SMIM14: variants seen among roughly 807,000 people sequenced by gnomAD.
SMIM14 encodes small integral membrane protein 14, also known as chromosome 4 open reading frame 34.
SMIM14 carries 5 observed loss-of-function variants against 12.6 expected under a neutral mutation model. The observed-to-expected ratio is 0.40, with a 90% confidence interval of 0.21 to 0.83. SMIM14 has a LOEUF of 0.83. Ranked by LOEUF, SMIM14 falls within the 40% of genes least tolerant of loss-of-function variation. The pLI, the probability that SMIM14 is intolerant of heterozygous loss-of-function variation, is 0.37. For missense variants in SMIM14, 86 were observed against 119.1 expected (o/e 0.72, Z 1.29); for synonymous variants, 30 against 40.1 (o/e 0.75, Z 0.95).
chr4:39,599,083 A>G (rs1387212069), intron 2 of SMIM14, among the ~76,000 whole-genome samples: 1 of 152,174 alleles, frequency 6.6e-6, no homozygotes, highest in African/African-American at 2.4e-5. Flanking sequence ...AACTTGATTG[A>G]GAGATTGGCT....
rs776516228 is a variant in SMIM14, at chr4:39,552,074, G to A, written c.*52C>T. On this transcript the variant is annotated 3_prime_UTR_variant, in exon 5 of 5. Coordinates refer to ENST00000295958, the MANE Select transcript of SMIM14 (RefSeq NM_174921.3). The stretch of plus-strand genomic sequence containing the variant: ...GGTTAAGAGTACTCTGGTCATCTTC[G>A]TTCGTTTGGTCGTGCAAGGTGTTAA... 15 of 1,488,976 alleles carry A rather than the reference G, an allele frequency of 1.0e-5. No homozygotes were observed. The highest frequency in any genetic ancestry group is 7.7e-5 in the South Asian group (6 of 77,542). The allele number at this position is 1,488,976 out of a possible 1,614,324, so 92.2% of individuals were successfully genotyped here.
At position 39,581,518 on chromosome 4, in the gene SMIM14, C is replaced by CTTTTTTTTTTTTTTTTTTT. The variant is rs1432369898; in HGVS notation, c.76-9056_76-9055insAAAAAAAAAAAAAAAAAAA. ...TTTTCGTTTTTTTCCTTTTCTTTTT[C>CTTTTTTTTTTTTTTTTTTT]TTTTTTTTTTTTTTTGAGACAGGGT... On this transcript the variant is annotated intron_variant, in intron 2 of 4. Coordinates refer to ENST00000295958, the MANE Select transcript of SMIM14 (RefSeq NM_174921.3). Among the ~76,000 whole-genome samples, 7 of 132,090 alleles carry CTTTTTTTTTTTTTTTTTTT rather than the reference C, an allele frequency of 5.3e-5. 1 individual carries two copies. Among genetic ancestry groups the CTTTTTTTTTTTTTTTTTTT allele is most frequent in the Non-Finnish European group, 8.0e-5 (5 of 62,624 alleles). The allele number at this position is 132,090 out of a possible 152,430, so 86.7% of individuals were successfully genotyped here.
At chr4:39,605,438 T>G (rs539782720) in intron 1 of SMIM14, among the ~76,000 whole-genome samples, 2 of 151,764 alleles carry the variant, frequency 1.3e-5, no homozygotes, top group African/African-American at 2.4e-5. Flanking sequence ...CCTGTGATGC[T>G]GAAGATGCTA....
At chr4:39,602,280 G>A (rs2110054741) in intron 2 of SMIM14, among the ~76,000 whole-genome samples, 1 of 151,358 alleles carries the variant, frequency 6.6e-6, no homozygotes, top group South Asian at 2.1e-4. Context: ...ATGGATGCAT[G>A]AGAGGTGGAA....
In SMIM14 at chr4:39,604,616, C is replaced by CT. The variant is rs1039650825; in HGVS notation, c.75+454dup. Reference sequence around the variant, plus strand: ...CTCTAATGAAATAATTGCTAGCAAACTTTTTTTTTTTTGAGACAGAGTCTT... The same window carrying CT: ...CTCTAATGAAATAATTGCTAGCAAACTTTTTTTTTTTTTGAGACAGAGTCTT... On this transcript the variant is annotated intron_variant, in intron 2 of 4. Transcript: ENST00000295958. Among the ~76,000 whole-genome samples, 330 of 145,940 alleles carry CT rather than the reference C, an allele frequency of 2.3e-3. 1 individual carries two copies. Among genetic ancestry groups the CT allele is most frequent in the African/African-American group, 5.6e-3 (225 of 40,076 alleles).
At chr4:39,613,632 G>C (rs1345953959) in intron 1 of SMIM14, among the ~76,000 whole-genome samples, 1 of 152,194 alleles carries the variant, frequency 6.6e-6, no homozygotes, top group Non-Finnish European at 1.5e-5. Context: ...AGGCAAGACA[G>C]AACAGTTTTA....
chr4:39,624,828 A>AC (rs1441948537), intron 1 of SMIM14, among the ~76,000 whole-genome samples: 3 of 151,516 alleles, frequency 2.0e-5, no homozygotes, highest in Non-Finnish European at 4.4e-5. Flanking sequence ...AAAAAAAAAA[A>AC]AAAAAACTTC....
chr4:39,624,344 T>C (rs1405728913), intron 1 of SMIM14, among the ~76,000 whole-genome samples: 1 of 152,090 alleles, frequency 6.6e-6, no homozygotes, highest in Non-Finnish European at 1.5e-5. Flanking sequence ...CCAGCTAAGG[T>C]AGTAATTTCA....
chr4:39,583,444 A>T (rs1453198103), intron 2 of SMIM14, among the ~76,000 whole-genome samples: 1 of 152,008 alleles, frequency 6.6e-6, no homozygotes, highest in African/African-American at 2.4e-5. Flanking sequence ...GCTTCAGGTC[A>T]TTCATTCCAA....
At chr4:39,563,258 C>T (rs1359636434) in intron 3 of SMIM14, among the ~76,000 whole-genome samples, 1 of 152,072 alleles carries the variant, frequency 6.6e-6, no homozygotes, top group African/African-American at 2.4e-5. Flanking sequence ...GACTGGGTTT[C>T]ACCATGTTGA....
chr4:39,610,621 G>C (rs955123124), intron 1 of SMIM14, among the ~76,000 whole-genome samples: 1 of 151,050 alleles, frequency 6.6e-6, no homozygotes, highest in African/African-American at 2.4e-5. Flanking sequence ...CTTGAGCCCA[G>C]GAGATTGAGA....
At chr4:39,573,102 T>A (rs1047610780) in intron 2 of SMIM14, among the ~76,000 whole-genome samples, 1 of 140,830 alleles carries the variant, frequency 7.1e-6, no homozygotes. Flanking sequence ...TATTATTATT[T>A]TATTATTATT....
intron 2 of SMIM14, among the ~76,000 whole-genome samples, chr4:39,573,331 A>G (rs1456881890): frequency 1.3e-5 from 2 of 151,804 alleles, no homozygotes; most frequent in African/African-American, 4.8e-5. Context: ...CTCCTGACCT[A>G]AAGTGATCCA....
intron 1 of SMIM14, among the ~76,000 whole-genome samples, chr4:39,610,131 C>A (rs1235593413): frequency 6.6e-6 from 1 of 152,182 alleles, no homozygotes. Context: ...GCTGGGACCA[C>A]AGGTACACAC....
chr4:39,580,256 T>A (rs1335090445), intron 2 of SMIM14, among the ~76,000 whole-genome samples: 1 of 152,080 alleles, frequency 6.6e-6, no homozygotes, highest in Non-Finnish European at 1.5e-5. Context: ...ACAACTCACC[T>A]CAGCCTTGAC....
intron 1 of SMIM14, among the ~76,000 whole-genome samples, chr4:39,636,855 C>G (rs919429462): frequency 6.6e-6 from 1 of 151,982 alleles, no homozygotes; most frequent in African/African-American, 2.4e-5. Flanking sequence ...ACAGTTATAA[C>G]AATATACTAT....
chr4:39,618,658 A>C (rs1243007341), intron 1 of SMIM14, among the ~76,000 whole-genome samples: 1 of 150,832 alleles, frequency 6.6e-6, no homozygotes, highest in Non-Finnish European at 1.5e-5. Context: ...TCAAAAAAAA[A>C]AAAAAACAAA....
At chr4:39,628,392 TGACCAGGCGCGGTGGCTCACG>T in intron 1 of SMIM14, among the ~76,000 whole-genome samples, 1 of 145,544 alleles carries the variant, frequency 6.9e-6, no homozygotes, top group East Asian at 2.1e-4. Context: ...CAGGAAAATG[TGACCAGGCGCGGTGGCTCACG>T]CCTGTAATCC....
Position 39,632,775 on chromosome 4 carries a change from TCACACACACACACA to T in SMIM14, c.-36+5950_-36+5963del, listed in dbSNP as rs369057968. On this transcript the variant is annotated intron_variant, in intron 1 of 4. Transcript: ENST00000295958. ...CTTGGATGACAGAGTGAGACTCCCG[TCACACACACACACA>T]CACACACACACACACACACACACAC... 2.7e-3 allele frequency among the ~76,000 whole-genome samples: 312 copies of T among 115,092 alleles called. 2 individuals are homozygous for T. The highest frequency in any genetic ancestry group is 0.01 in the East Asian group (39 of 3,716). The allele number at this position is 115,092 out of a possible 152,430, so 75.5% of individuals were successfully genotyped here.
Sources: gnomAD v4.1 joint callset for allele counts (sites outside exome capture counted in the v4.1 genomes callset) on GRCh38, gnomAD v4.1.1 for gene constraint, MANE v1.5 for transcripts, NCBI Gene and HGNC (gene_info 2026-07-23, HGNC 2026-07-21) for gene names.